CCDC171: variants seen among roughly 807,000 people sequenced by gnomAD.
CCDC171 encodes coiled-coil domain-containing protein 171.
Under a neutral mutation model 168.2 loss-of-function variants are expected in CCDC171, and 177 were observed. That is an observed-to-expected ratio of 1.05 (90% confidence interval 0.93 to 1.19). The LOEUF (loss-of-function observed/expected upper bound fraction) is 1.19. CCDC171 is among the 50% of genes most tolerant of loss of function. CCDC171 has a pLI of 0.00. For synonymous variants in CCDC171, 687 were observed against 540.8 expected (o/e 1.27, Z -3.75); for missense variants, 1,991 against 1,539.0 (o/e 1.29, Z -4.91).
intron 16 of CCDC171, among the ~76,000 whole-genome samples, chr9:15,741,552 C>G (rs1335052685): frequency 6.6e-6 from 1 of 151,996 alleles, no homozygotes; most frequent in Non-Finnish European, 1.5e-5. Flanking sequence ...TGTGTTTTTC[C>G]TACCTTTTGG....
chr9:15,987,806 G>C (rs1347836739), intron 3 of CCDC171, among the ~76,000 whole-genome samples: 1 of 152,056 alleles, frequency 6.6e-6, no homozygotes, highest in Admixed American at 6.6e-5. Context: ...AGATATCTTG[G>C]GGATGGGACC....
intron 1 of CCDC171, among the ~76,000 whole-genome samples, chr9:16,059,741 C>G (rs901243430): frequency 1.2e-4 from 18 of 150,926 alleles, no homozygotes; most frequent in African/African-American, 3.9e-4. Flanking sequence ...GTCTCGATCG[C>G]CTGACCTCAT....
intron 1 of CCDC171, among the ~76,000 whole-genome samples, chr9:15,557,252 AAGT>A (rs1406199258): frequency 6.6e-6 from 1 of 152,040 alleles, no homozygotes; most frequent in Non-Finnish European, 1.5e-5. Flanking sequence ...ATGAATTTTA[AAGT>A]AGTTTTTTCC....
chr9:16,094,551 G>C, the CCDC171 span, among the ~76,000 whole-genome samples: 2 of 152,184 alleles, frequency 1.3e-5, no homozygotes, highest in African/African-American at 4.8e-5. Flanking sequence ...GGGTTGTTTA[G>C]TCCACAAAAG....
chr9:15,813,879 A>G (rs907005707), intron 21 of CCDC171, among the ~76,000 whole-genome samples: 3 of 152,160 alleles, frequency 2.0e-5, no homozygotes, highest in African/African-American at 4.8e-5. Flanking sequence ...TGCACACACA[A>G]TTTTTTAATT....
chr9:15,808,710 T>C (rs949612407), intron 21 of CCDC171, among the ~76,000 whole-genome samples: 2 of 152,164 alleles, frequency 1.3e-5, no homozygotes, highest in African/African-American at 4.8e-5. Flanking sequence ...GCAGGTGAGA[T>C]GAAGAGGTCA....
chr9:15,581,927 A>G (rs2041154118), intron 4 of CCDC171, among the ~76,000 whole-genome samples: 1 of 152,250 alleles, frequency 6.6e-6, no homozygotes, highest in Non-Finnish European at 1.5e-5. Flanking sequence ...CAAAATAGAC[A>G]AATGGGATCT....
chr9:15,876,722 A>G (rs1045153575), intron 24 of CCDC171, among the ~76,000 whole-genome samples: 12 of 152,112 alleles, frequency 7.9e-5, no homozygotes, highest in Admixed American at 7.9e-4. Context: ...GGCTAATAGT[A>G]TGAAACTCTA....
At chr9:15,642,967 T>G (rs1335070658) in intron 7 of CCDC171, among the ~76,000 whole-genome samples, 1 of 152,180 alleles carries the variant, frequency 6.6e-6, no homozygotes, top group Admixed American at 6.5e-5. Context: ...TGACTATCAT[T>G]TTGATAAAGA....
intron 9 of CCDC171, among the ~76,000 whole-genome samples, chr9:15,667,652 A>G (rs2048828562): frequency 6.6e-6 from 1 of 152,196 alleles, no homozygotes; most frequent in African/African-American, 2.4e-5. Flanking sequence ...TCTCAAAAAA[A>G]AGAGAAAAGC....
At chr9:15,750,956 AT>A (rs1554795301) in intron 18 of CCDC171, among the ~76,000 whole-genome samples, 1 of 152,020 alleles carries the variant, frequency 6.6e-6, no homozygotes, top group Non-Finnish European at 1.5e-5. Flanking sequence ...AAGAAAGGGT[AT>A]TCAGTTAGGA....
chr9:16,050,690 C>T (rs1457464581), intron 1 of CCDC171, among the ~76,000 whole-genome samples: 1 of 152,212 alleles, frequency 6.6e-6, no homozygotes, highest in Non-Finnish European at 1.5e-5. Context: ...GAGCATTGCA[C>T]ATGTCCATAA....
intron 8 of CCDC171, among the ~76,000 whole-genome samples, chr9:16,036,474 C>G (rs1586850181): frequency 6.6e-6 from 1 of 152,170 alleles, no homozygotes; most frequent in South Asian, 2.1e-4. Context: ...GAAACCCCGT[C>G]TCTCCTAAAA....
intron 23 of CCDC171, among the ~76,000 whole-genome samples, chr9:15,859,936 G>T (rs1378344582): frequency 6.6e-6 from 1 of 151,438 alleles, no homozygotes; most frequent in African/African-American, 2.4e-5. Context: ...GGAAGTGCTG[G>T]GATTATAGGT....
chr9:15,615,722 G>A (rs983374623), intron 6 of CCDC171, among the ~76,000 whole-genome samples: 1 of 151,644 alleles, frequency 6.6e-6, no homozygotes, highest in Non-Finnish European at 1.5e-5. Flanking sequence ...TGGGATTTAA[G>A]TGATTATGTG....
At position 15,583,811 on chromosome 9, in the gene CCDC171, T is replaced by TA. The variant is rs913896237; in HGVS notation, c.352+4798dup. ...AAATGTGAAAAAAATTGTCCTTGAT[T>TA]AAAAAAAAAAGTGTTTTTGTTAACT... On this transcript the variant is annotated intron_variant, in intron 4 of 25. Transcript: ENST00000380701. 3.2e-3 allele frequency among the ~76,000 whole-genome samples: 477 copies of TA among 149,000 alleles called. 3 individuals are homozygous for TA. Among genetic ancestry groups the TA allele is most frequent in the African/African-American group, 0.01 (425 of 40,710 alleles).
Position 15,827,926 on chromosome 9 carries a change from C to T in CCDC171, c.3268-18776C>T, listed in dbSNP as rs888550812. Among the ~76,000 whole-genome samples the T allele has an allele frequency of 2.0e-5, 3 of 152,140 alleles. No homozygotes were observed. The East Asian group carries it at 5.8e-4, about 29-fold the overall frequency. On this transcript the variant is annotated intron_variant, in intron 21 of 25. Coordinates refer to ENST00000380701, the MANE Select transcript of CCDC171 (RefSeq NM_173550.4). ...GTCAGAATGAAGGAAAAGGATTCAT[C>T]TTGTTATTTCTTAGAATCCATTTTT...
At chr9:16,097,311 G>A in the CCDC171 span, among the ~76,000 whole-genome samples, 1 of 152,186 alleles carries the variant, frequency 6.6e-6, no homozygotes, top group Non-Finnish European at 1.5e-5. Context: ...ACAATCTAAG[G>A]GTGGATGGTT....
intron 10 of CCDC171, among the ~76,000 whole-genome samples, chr9:15,691,278 C>G (rs1165971907): frequency 6.6e-6 from 1 of 151,650 alleles, no homozygotes; most frequent in African/African-American, 2.4e-5. Flanking sequence ...AAAAAAGTTT[C>G]TGACGTGGAG....
Sources: allele counts gnomAD v4.1 joint callset (sites outside exome capture counted in the v4.1 genomes callset), GRCh38; gene constraint gnomAD v4.1.1; transcripts MANE v1.5; gene names NCBI Gene and HGNC (gene_info 2026-07-23, HGNC 2026-07-21).